IGDCC4: variants seen among roughly 807,000 people sequenced by gnomAD.
The protein encoded by IGDCC4 is immunoglobulin superfamily DCC subclass member 4.
Under a neutral mutation model 116.6 loss-of-function variants are expected in IGDCC4, and 72 were observed. The ratio of observed to expected loss-of-function variants is 0.62; its 90% CI spans 0.51 to 0.75. The LOEUF (loss-of-function observed/expected upper bound fraction) is 0.75, where lower values mean the gene tolerates loss of function less well. Ranked by LOEUF, IGDCC4 falls within the 30% of genes least tolerant of loss-of-function variation. IGDCC4 has a pLI of 0.00. For synonymous variants in IGDCC4, 709 were observed against 719.9 expected, an observed-to-expected ratio of 0.98 and a Z score of 0.24; for missense variants, 1,501 against 1,662.4, an observed-to-expected ratio of 0.90 and a Z score of 1.69.
rs1221597896 is a variant in IGDCC4, at chr15:65,393,439, C to T, written c.1807G>A (p.Ala603Thr). The T allele has an allele frequency of 6.2e-7, 1 of 1,613,834 alleles. No individual in the cohort carries two copies. The highest frequency in any genetic ancestry group is 8.5e-7 in the Non-Finnish European group (1 of 1,179,888). Residue 603 changes from alanine (A) to threonine (T), a missense_variant, in exon 10 of 20, where the codon GCT (alanine) becomes ACT (threonine). This residue lies in a region of IGDCC4 where 898 missense variants were observed against 978.9 expected (regional missense o/e 0.92). Coordinates refer to ENST00000352385, the MANE Select transcript of IGDCC4 (RefSeq NM_020962.3). The surrounding 1 kb of genome is among the most constrained non-coding windows in gnomAD (Gnocchi z 4.6). ...PNKVYRVRISAGTAAGFGAPS... is the reference protein window; with the variant it reads ...PNKVYRVRISTGTAAGFGAPS... ...GCCCCGAAGCCGGCTGCTGTACCAG[C>T]CGAAATCCGTACTCGATACACCTTG... is the stretch of plus-strand genomic sequence containing the variant.
At chr15:65,391,646 A>G (rs977186995) in intron 12 of IGDCC4, among the ~76,000 whole-genome samples, 2 of 152,326 alleles carry the variant, frequency 1.3e-5, no homozygotes, top group Admixed American at 6.5e-5. Context: ...AGCACTATTC[A>G]TGGGTAATGC....
At chr15:65,388,159 G>T (rs1345898769) in intron 16 of IGDCC4, among the ~76,000 whole-genome samples, 1 of 151,646 alleles carries the variant, frequency 6.6e-6, no homozygotes, top group Non-Finnish European at 1.5e-5. Context: ...CAGCAGAATC[G>T]CTTGAACCTG....
intron 1 of IGDCC4, 96 bp downstream of exon 1, chr15:65,422,697 T>G: frequency 2.9e-6 from 3 of 1,045,370 alleles, no homozygotes; most frequent in Non-Finnish European, 3.7e-6. Context: ...TGCTCGGGAC[T>G]CCGGCTTGAG....
intron 3 of IGDCC4, among the ~76,000 whole-genome samples, chr15:65,405,989 A>G (rs182294331): frequency 2.6e-5 from 4 of 152,304 alleles, no homozygotes; most frequent in Admixed American, 2.6e-4. Context: ...AGCCCTTGAG[A>G]TCCACCCAGG....
intron 17 of IGDCC4, 52 bp downstream of exon 17, chr15:65,386,499 G>T: frequency 1.4e-6 from 2 of 1,470,738 alleles, no homozygotes; most frequent in Non-Finnish European, 1.9e-6. Context: ...CCATTCTGCA[G>T]CCCTTCCTGG....
At chr15:65,385,592 G>T in intron 18 of IGDCC4, 1 of 611,324 alleles carries the variant, frequency 1.6e-6, no homozygotes. Context: ...GGCTACCCTG[G>T]GTCACCTGCT....
intron 3 of IGDCC4, among the ~76,000 whole-genome samples, chr15:65,405,324 A>G (rs1282421032): frequency 8.4e-6 from 1 of 119,184 alleles, no homozygotes; most frequent in Non-Finnish European, 1.7e-5. Context: ...TTTTTTTTGC[A>G]ATTAATATGT....
At chr15:65,388,027 C>T (rs1288414536) in intron 16 of IGDCC4, among the ~76,000 whole-genome samples, 2 of 151,870 alleles carry the variant, frequency 1.3e-5, no homozygotes, top group Non-Finnish European at 2.9e-5. Context: ...AGGCAGATCA[C>T]GAGGTCAGGA....
intron 12 of IGDCC4, 62 bp downstream of exon 12, chr15:65,391,818 A>G: frequency 6.9e-7 from 1 of 1,453,210 alleles, no homozygotes; most frequent in Non-Finnish European, 9.6e-7. Context: ...GGAAAAGAAG[A>G]GGAAGCGGCT....
chr15:65,411,481 C>A, intron 1 of IGDCC4, 111 bp from the exon 2 acceptor site: 1 of 844,706 alleles, frequency 1.2e-6, no homozygotes, highest in Admixed American at 3.2e-5. Flanking sequence ...GAAACACCTG[C>A]ATCTGGATCC....
chr15:65,407,881 G>C (rs560352144), intron 3 of IGDCC4, among the ~76,000 whole-genome samples: 1 of 147,020 alleles, frequency 6.8e-6, no homozygotes, highest in East Asian at 2.0e-4. Context: ...TGATCCGCCC[G>C]CCTCAGCCTC....
At position 65,405,556 on chromosome 15, in the gene IGDCC4, C is replaced by T. The variant is rs183121106; in HGVS notation, c.564-3069G>A. Among the ~76,000 whole-genome samples, 9 of 132,860 alleles carry T rather than the reference C, an allele frequency of 6.8e-5. No individual in the cohort carries two copies. In the East Asian group the frequency reaches 1.8e-3, roughly 26 times the overall value. 87.2% of individuals were successfully genotyped at this position (132,860 alleles called of 152,430 possible). ...AATTCCTGTCCTGCCTTCTTCACAA[C>T]CCTGACCCTCTTATTGTGTTTTGAG... On this transcript the variant is annotated intron_variant, in intron 3 of 19. Transcript: ENST00000352385.
At chr15:65,412,746 A>G (rs773134214) in intron 1 of IGDCC4, among the ~76,000 whole-genome samples, 5 of 152,040 alleles carry the variant, frequency 3.3e-5, no homozygotes, top group Non-Finnish European at 7.4e-5. Context: ...CAGCCTGGGT[A>G]ACACAGGGAG....
At chr15:65,402,046 A>G (rs1367127884) in intron 4 of IGDCC4, among the ~76,000 whole-genome samples, 3 of 152,132 alleles carry the variant, frequency 2.0e-5, no homozygotes, top group Non-Finnish European at 4.4e-5. Context: ...ACCGCCTCAG[A>G]TGCCTCGCAT....
At chr15:65,403,093 T>C (rs11071843) in intron 3 of IGDCC4, among the ~76,000 whole-genome samples, 44,256 of 152,098 alleles carry the variant, frequency 0.29, 7,390 homozygotes, top group East Asian at 0.76. Flanking sequence ...CACAAGAGCA[T>C]GTGTTAAACG....
In IGDCC4 at chr15:65,395,076, C is replaced by A; in HGVS notation, c.1576+18G>T. ...TCTCTTTACCCCAAGCTGCCCACTGCGAGTTCAGAGGCCCTACCATCATCC... is the reference window on the plus strand; with the variant it reads ...TCTCTTTACCCCAAGCTGCCCACTGAGAGTTCAGAGGCCCTACCATCATCC... On this transcript the variant is annotated intron_variant, in intron 8 of 19. Transcript: ENST00000352385. 3 of 1,587,600 alleles carry A rather than the reference C, an allele frequency of 1.9e-6. No homozygotes were observed. The highest frequency in any genetic ancestry group is 2.6e-6 in the Non-Finnish European group (3 of 1,160,308).
chr15:65,405,653 C>T (rs1356327805), intron 3 of IGDCC4, among the ~76,000 whole-genome samples: 1 of 152,054 alleles, frequency 6.6e-6, no homozygotes, highest in Non-Finnish European at 1.5e-5. Context: ...AATGGTGTAA[C>T]CCATATACGT....
chr15:65,383,750 C>T lies in IGDCC4; in HGVS notation c.*259G>A, dbSNP rs752750635. ...CGGTTTCCCAGCTCAACAACCAGTA[C>T]GCATACATGCACTTCACACATGTGC... On this transcript the variant is annotated 3_prime_UTR_variant, in exon 20 of 20. Coordinates refer to ENST00000352385, the MANE Select transcript of IGDCC4 (RefSeq NM_020962.3). The T allele has an allele frequency of 2.3e-5, 9 of 388,376 alleles. No individual in the cohort carries two copies. Among genetic ancestry groups the T allele is most frequent in the East Asian group, 1.6e-4 (4 of 25,400 alleles). 24.1% of individuals were successfully genotyped at this position (388,376 alleles called of 1,614,324 possible). A position where few individuals can be genotyped will look rare whatever the true frequency, so the allele number is the denominator to read the frequency against.
At chr15:65,388,621 T>G (rs1296104864) in intron 15 of IGDCC4, 35 bp from the exon 16 acceptor site, 2 of 1,612,294 alleles carry the variant, frequency 1.2e-6, no homozygotes, top group East Asian at 4.5e-5. Flanking sequence ...GCAGGGATGG[T>G]GGATGGGGTG....
Sources: allele counts gnomAD v4.1 joint callset (sites outside exome capture counted in the v4.1 genomes callset), GRCh38; gene constraint gnomAD v4.1.1; regional missense constraint gnomAD v4.1.1; non-coding constraint Gnocchi (gnomAD v3.1); transcripts MANE v1.5; gene names NCBI Gene and HGNC (gene_info 2026-07-23, HGNC 2026-07-21).